Variants in GLUL observed in about 807,000 individuals in gnomAD.
GLUL encodes the protein glutamate-ammonia ligase.
In GLUL, 8 loss-of-function variants were observed where a neutral mutation model predicts 36.9. The observed-to-expected ratio is 0.22, with a 90% CI of 0.13 to 0.39. GLUL has a LOEUF of 0.39. Among genes scored for constraint, GLUL ranks in the 10% least tolerant of loss-of-function variants. The probability of loss-of-function intolerance (pLI) is 1.00; values close to 1 mark genes in which losing one functional copy is unlikely to be tolerated. For missense variants in GLUL, 315 were observed against 501.8 expected, an observed-to-expected ratio of 0.63 and a Z score of 3.56; for synonymous variants, 182 against 172.8, an observed-to-expected ratio of 1.05 and a Z score of -0.42.
Position 182,380,303 on chromosome 1 carries a change from GGTTTTGTTT to G in GLUL, c.*4093_*4101del, listed in dbSNP as rs950201340. ...TCAACATTTTCAATTTGTTTTTTGGGGTTTTGTTTGTTTTGTTTTGTTTAGGCAAGGTCT... is the reference window on the plus strand; with the variant it reads ...TCAACATTTTCAATTTGTTTTTTGGGGTTTTGTTTTGTTTAGGCAAGGTCT... On this transcript the variant is annotated 3_prime_UTR_variant, in exon 7 of 7. Transcript: ENST00000331872. Among the ~76,000 whole-genome samples, 1 of 151,956 alleles carries G rather than the reference GGTTTTGTTT, an allele frequency of 6.6e-6. No individual in the cohort carries two copies. Among genetic ancestry groups the G allele is most frequent in the Non-Finnish European group, 1.5e-5 (1 of 67,986 alleles).
intron 4 of GLUL, 154 bp downstream of exon 4, chr1:182,386,102 A>G: frequency 4.4e-6 from 4 of 900,714 alleles, no homozygotes; most frequent in Non-Finnish European, 7.5e-6. Flanking sequence ...ATATATTCAT[A>G]TCCATTTTTG....
intron 1 of GLUL, chr1:182,389,809 G>A (rs12136955): frequency 0.33 from 50,684 of 152,076 alleles, 8,643 homozygotes; most frequent in East Asian, 0.44. Flanking sequence ...AAGTTTCTAC[G>A]GGCAACCGTC....
In GLUL at chr1:182,380,037, C is replaced by T. The variant is rs576862123; in HGVS notation, c.*4368G>A. Among the ~76,000 whole-genome samples the T allele has an allele frequency of 1.3e-4, 20 of 151,454 alleles. No homozygotes were observed. Among genetic ancestry groups the T allele is most frequent in the African/African-American group, 4.6e-4 (19 of 41,250 alleles). The stretch of plus-strand genomic sequence containing the variant: ...TTTTTTGTATTTAGTAGAGACACAG[C>T]TTGTTTCACCATATTGGCCCGGCTG... On this transcript the variant is annotated 3_prime_UTR_variant, in exon 7 of 7. Coordinates refer to ENST00000331872, the MANE Select transcript of GLUL (RefSeq NM_001033044.4).
Position 182,390,343 on chromosome 1 carries a change from G to A in GLUL, c.-14+1336C>T, listed in dbSNP as rs1409142612. 1.5e-4 allele frequency: 59 copies of A among 397,010 alleles called. No individual in the cohort carries two copies. In the East Asian group the frequency reaches 2.1e-3, roughly 14 times the overall value. The allele number at this position is 397,010 out of a possible 1,614,324, so 24.6% of individuals were successfully genotyped here. ...AGTTTCGGATCTCTTGCTCTTTTCC[G>A]TGAGCCGAGTTGCATGCCAGCAGCC... On this transcript the variant is annotated intron_variant, in intron 1 of 6. Transcript: ENST00000331872.
Position 182,384,542 on chromosome 1 carries a change from C to G in GLUL, c.985G>C (p.Val329Leu). 1 of 1,614,164 alleles carries G rather than the reference C, an allele frequency of 6.2e-7. No individual in the cohort carries two copies. Among genetic ancestry groups the G allele is most frequent in the East Asian group, 2.2e-5 (1 of 44,880 alleles). The change falls in exon 7 of 7, where the codon GTT becomes CTT. Residue 329 changes from valine to leucine, a missense_variant. By Grantham distance (32) the Val-to-Leu change is conservative. Around this residue, in one of 3 missense-constraint regions of GLUL, gnomAD observed 58 missense variants for 89.5 expected, o/e 0.65. Coordinates refer to ENST00000331872, the MANE Select transcript of GLUL (RefSeq NM_001033044.4). ...RSASIRIPRT[V>L]GQEKKGYFED... is the part of the protein sequence containing the mutation. ...AAGTAACCCTTCTTCTCCTGGCCAA[C>G]AGTCCGGGGAATGCGTATGCTGGCG...
At position 182,380,647 on chromosome 1, in the gene GLUL, CAG is replaced by C. The variant is rs1649895902; in HGVS notation, c.*3756_*3757del. On this transcript the variant is annotated 3_prime_UTR_variant, in exon 7 of 7. Transcript: ENST00000331872. ...TGGAACTTTGTCTTGCTGTCATGGC[CAG>C]AGTTAAAATACAGTCAAACAACAAA... 6.6e-6 allele frequency among the ~76,000 whole-genome samples: 1 copy of C among 152,116 alleles called. No homozygotes were observed. The highest frequency in any genetic ancestry group is 2.4e-5 in the African/African-American group (1 of 41,410).
rs369280031 is a variant in GLUL at position 182,384,597 on chromosome 1, G to A, written c.930C>T (p.Asn310=). The A allele has an allele frequency of 5.8e-5, 94 of 1,614,090 alleles. No individual in the cohort carries two copies. Among genetic ancestry groups the A allele is most frequent in the East Asian group, 8.9e-5 (4 of 44,896 alleles). ...GATTGGCTACACCAGCAGAAAAGTC[G>A]TTGATGTTGGAGGTTTCATGGAATC... ...LTGFHETSNI[N]DFSAGVANRS... is the part of the protein sequence containing the mutation. The change falls in exon 7 of 7, where the codon AAC becomes AAT. Residue 310 remains asparagine (N), a synonymous_variant. Coordinates refer to ENST00000331872, the MANE Select transcript of GLUL (RefSeq NM_001033044.4).
chr1:182,391,442 G>A, intron 1 of GLUL: 1 of 384,316 alleles, frequency 2.6e-6, no homozygotes, highest in Admixed American at 4.5e-5. Context: ...GCCCTTCCCA[G>A]AGCCTGGCCA....
At chr1:182,390,626 G>A (rs1046272019) in intron 1 of GLUL, 7 of 399,492 alleles carry the variant, frequency 1.8e-5, no homozygotes, top group Middle Eastern at 6.3e-4. Flanking sequence ...TCTGGGAGAG[G>A]GCGATGGAGA....
rs1649879328 is a variant in GLUL, at chr1:182,380,224, C to T, written c.*4181G>A. On this transcript the variant is annotated 3_prime_UTR_variant, in exon 7 of 7. Coordinates refer to ENST00000331872, the MANE Select transcript of GLUL (RefSeq NM_001033044.4). ...AATTAATTAAGTACACTATTTTCCA[C>T]AGTACACTCCCACGAAGTTTTTAGT... 6.6e-6 allele frequency among the ~76,000 whole-genome samples: 1 copy of T among 152,216 alleles called. No homozygotes were observed. The highest frequency in any genetic ancestry group is 1.5e-5 in the Non-Finnish European group (1 of 68,044).
intron 1 of GLUL, 101 bp from the exon 2 acceptor site, chr1:182,388,851 A>G: frequency 1.2e-6 from 1 of 864,736 alleles, no homozygotes; most frequent in Non-Finnish European, 2.0e-6. Flanking sequence ...TCAGAGTGTA[A>G]GTGCCAACTC....
chr1:182,386,073 C>G (rs1445726055), intron 4 of GLUL, 183 bp downstream of exon 4: 2 of 858,994 alleles, frequency 2.3e-6, no homozygotes, highest in Admixed American at 1.8e-5. Context: ...GCCAAACGTT[C>G]CCCCTAAAAC....
intron 1 of GLUL, chr1:182,390,416 G>A (rs139499816): frequency 1.3e-5 from 5 of 398,140 alleles, no homozygotes; most frequent in Middle Eastern, 6.3e-4. Context: ...AGTTTACGTG[G>A]GGGAAATGGA....
intron 1 of GLUL, chr1:182,389,802 T>A (rs1278552723): frequency 1.3e-5 from 2 of 152,300 alleles, no homozygotes; most frequent in East Asian, 3.9e-4. Context: ...AGTGGCAAAG[T>A]TTCTACGGGC....
chr1:182,391,438 C>A, intron 1 of GLUL: 2 of 385,610 alleles, frequency 5.2e-6, no homozygotes, highest in Non-Finnish European at 4.6e-6. Context: ...CCCCGCCCTT[C>A]CCAGAGCCTG....
Position 182,383,718 on chromosome 1 carries a change from T to C in GLUL, c.*687A>G, listed in dbSNP as rs546951174. 15 of 152,324 alleles carry C rather than the reference T, an allele frequency of 9.8e-5. No individual in the cohort carries two copies. Among genetic ancestry groups the C allele is most frequent in the African/African-American group, 3.1e-4 (13 of 41,370 alleles). The allele number at this position is 152,324 out of a possible 1,614,324, so 9.4% of individuals were successfully genotyped here. ...CACATAATCCACAAAACCATACATA[T>C]AGTTTTTTGTCTTTACATTTAAATA... On this transcript the variant is annotated 3_prime_UTR_variant, in exon 7 of 7. Coordinates refer to ENST00000331872, the MANE Select transcript of GLUL (RefSeq NM_001033044.4).
At chr1:182,387,771 C>CTTTCCA (rs1650246635) in intron 2 of GLUL, among the ~76,000 whole-genome samples, 1 of 152,206 alleles carries the variant, frequency 6.6e-6, no homozygotes, top group Non-Finnish European at 1.5e-5. Flanking sequence ...ACCTATCCAC[C>CTTTCCA]TTTCCCACTG....
chr1:182,387,491 G>GT (rs1650234370), intron 2 of GLUL, among the ~76,000 whole-genome samples, 199 bp from the exon 3 acceptor site: 1 of 152,116 alleles, frequency 6.6e-6, no homozygotes. Context: ...TGAGTTCCAA[G>GT]TAAGACCATT....
chr1:182,384,718 A>C lies in GLUL; in HGVS notation c.809T>G (p.Ile270Ser). Residue 270 changes from isoleucine to serine, a missense_variant, in exon 7 of 7, where the codon ATC (isoleucine) becomes AGC (serine). Coordinates refer to ENST00000331872, the MANE Select transcript of GLUL (RefSeq NM_001033044.4). ...AMREENGLKY[I>S]EEAIEKLSKR... ...GCTTAGTTTCTCAATGGCCTCCTCG[A>C]TGTACCTAGAGTAAACAGAAAAGAT... The C allele has an allele frequency of 2.5e-6, 4 of 1,613,354 alleles. No individual in the cohort carries two copies. The highest frequency in any genetic ancestry group is 3.4e-6 in the Non-Finnish European group (4 of 1,179,322).
Sources: allele counts gnomAD v4.1 joint callset (sites outside exome capture counted in the v4.1 genomes callset), GRCh38; gene constraint gnomAD v4.1.1; regional missense constraint gnomAD v4.1.1; transcripts MANE v1.5; gene names NCBI Gene and HGNC (gene_info 2026-07-23, HGNC 2026-07-21).